Variants in DPYD observed in about 807,000 individuals in gnomAD.
DPYD encodes dihydropyrimidine dehydrogenase [NADP(+)].
Under a neutral mutation model 116.2 loss-of-function variants are expected in DPYD, and 109 were observed. The observed-to-expected ratio is 0.94, with a 90% CI of 0.80 to 1.10. The LOEUF (loss-of-function observed/expected upper bound fraction) is 1.10, where lower values mean the gene tolerates loss of function less well. Ranked by LOEUF, DPYD falls within the 50% of genes least tolerant of loss-of-function variation. The pLI is 0.00. For missense variants in DPYD, 1,302 were observed against 1,254.5 expected (o/e 1.04, Z -0.57); for synonymous variants, 440 against 432.0 (o/e 1.02, Z -0.23).
intron 14 of DPYD, among the ~76,000 whole-genome samples, chr1:97,419,666 A>G (rs1032263597): frequency 6.6e-6 from 1 of 152,116 alleles, no homozygotes; most frequent in African/African-American, 2.4e-5. Context: ...ATAAAAATAT[A>G]TTTTTTATAC....
chr1:97,354,687 T>C (rs1038700416), intron 16 of DPYD, among the ~76,000 whole-genome samples: 3 of 152,136 alleles, frequency 2.0e-5, no homozygotes, highest in Non-Finnish European at 4.4e-5. Context: ...TTTAAAAAAA[T>C]CAGAACTACT....
chr1:97,782,170 A>G (rs956811572), intron 3 of DPYD, among the ~76,000 whole-genome samples: 1 of 152,200 alleles, frequency 6.6e-6, no homozygotes, highest in Non-Finnish European at 1.5e-5. Flanking sequence ...ATCCTCTCAC[A>G]CTAATAGATA....
At chr1:97,152,807 T>C (rs1230024153) in intron 20 of DPYD, among the ~76,000 whole-genome samples, 1 of 152,008 alleles carries the variant, frequency 6.6e-6, no homozygotes, top group Non-Finnish European at 1.5e-5. Flanking sequence ...TTCAAGTTTA[T>C]GTTTAGATGG....
At chr1:97,104,930 G>A (rs1337570195) in intron 20 of DPYD, among the ~76,000 whole-genome samples, 1 of 152,116 alleles carries the variant, frequency 6.6e-6, no homozygotes, top group Admixed American at 6.6e-5. Flanking sequence ...AATAAGACTT[G>A]CTTTCTGCTA....
At chr1:97,885,454 T>C (rs1298626778) in intron 1 of DPYD, among the ~76,000 whole-genome samples, 1 of 152,202 alleles carries the variant, frequency 6.6e-6, no homozygotes, top group East Asian at 1.9e-4. Context: ...CATGCTAATA[T>C]GAAGAATTTA....
At chr1:97,268,755 A>G (rs979603920) in intron 18 of DPYD, among the ~76,000 whole-genome samples, 4 of 152,158 alleles carry the variant, frequency 2.6e-5, no homozygotes, top group African/African-American at 9.7e-5. Flanking sequence ...CCTGCCTTCA[A>G]TGTCCTACCT....
intron 7 of DPYD, 108 bp downstream of exon 7, chr1:97,691,609 C>CT: frequency 1.0e-6 from 1 of 975,800 alleles, no homozygotes; most frequent in Non-Finnish European, 1.6e-6. Context: ...CCTGATGTAG[C>CT]TTTTAATTGT....
chr1:97,220,607 A>G (rs547806527), intron 19 of DPYD, among the ~76,000 whole-genome samples: 171 of 152,292 alleles, frequency 1.1e-3, no homozygotes, highest in African/African-American at 3.8e-3. Flanking sequence ...TAAAGATGCC[A>G]TTTTATGATA....
At chr1:97,384,869 T>C (rs938972898) in intron 14 of DPYD, among the ~76,000 whole-genome samples, 1 of 151,970 alleles carries the variant, frequency 6.6e-6, no homozygotes, top group Non-Finnish European at 1.5e-5. Flanking sequence ...ATAGATTCCT[T>C]AGAGAGAGGA....
intron 4 of DPYD, among the ~76,000 whole-genome samples, chr1:97,722,830 C>G (rs954469336): frequency 1.3e-5 from 2 of 151,390 alleles, no homozygotes; most frequent in African/African-American, 2.4e-5. Flanking sequence ...ATTTTATTTA[C>G]TGTTATCATC....
chr1:97,662,665 C>T (rs190466760), intron 8 of DPYD, among the ~76,000 whole-genome samples: 46 of 152,102 alleles, frequency 3.0e-4, no homozygotes, highest in African/African-American at 9.6e-4. Context: ...AGAGTGCTAA[C>T]AAAAGTTAGT....
At position 97,846,006 on chromosome 1, in the gene DPYD, C is replaced by T. The variant is rs1245395668; in HGVS notation, c.151-17810G>A. On this transcript the variant is annotated intron_variant, in intron 2 of 22. Transcript: ENST00000370192. ...AATGGGTGGACCCCACACTCACTCA[C>T]TCACACACCTCTTGCCACTCTGCAA... Among the ~76,000 whole-genome samples, 5 of 152,346 alleles carry T rather than the reference C, an allele frequency of 3.3e-5. No homozygotes were observed. The South Asian group carries it at 6.2e-4, about 19-fold the overall frequency.
chr1:97,435,961 T>C (rs1675448037), intron 14 of DPYD, among the ~76,000 whole-genome samples: 1 of 152,030 alleles, frequency 6.6e-6, no homozygotes, highest in African/African-American at 2.4e-5. Flanking sequence ...CATATTCTGC[T>C]AAATAAAAAC....
At chr1:97,872,667 ACT>A (rs1671718688) in intron 2 of DPYD, among the ~76,000 whole-genome samples, 1 of 151,942 alleles carries the variant, frequency 6.6e-6, no homozygotes. Flanking sequence ...ATATATCAAA[ACT>A]CTAAATTACA....
chr1:97,578,688 A>C (rs192952867), intron 10 of DPYD, among the ~76,000 whole-genome samples: 6 of 152,316 alleles, frequency 3.9e-5, no homozygotes, highest in Non-Finnish European at 5.9e-5. Context: ...AACAAAGCAA[A>C]GTGGAAAAGG....
chr1:97,528,522 C>A (rs1649323659), intron 12 of DPYD, among the ~76,000 whole-genome samples: 1 of 152,108 alleles, frequency 6.6e-6, no homozygotes, highest in African/African-American at 2.4e-5. Context: ...CTTTCTCCAT[C>A]TAAACTCTAC....
chr1:97,741,341 CG>C (rs1664261492), intron 3 of DPYD, among the ~76,000 whole-genome samples: 1 of 152,100 alleles, frequency 6.6e-6, no homozygotes, highest in Non-Finnish European at 1.5e-5. Flanking sequence ...CTCTCCTCTC[CG>C]GGGGACTGGC....
intron 20 of DPYD, among the ~76,000 whole-genome samples, chr1:97,155,792 T>C (rs1038653124): frequency 1.3e-5 from 2 of 152,318 alleles, no homozygotes; most frequent in South Asian, 2.1e-4. Context: ...ATTTCCTTAG[T>C]GTTCTTTTGA....
intron 18 of DPYD, among the ~76,000 whole-genome samples, chr1:97,239,915 T>C (rs1226716961): frequency 6.6e-6 from 1 of 152,052 alleles, no homozygotes; most frequent in Non-Finnish European, 1.5e-5. Flanking sequence ...TAATAAAAAT[T>C]GTAGAAGTGT....
Sources: allele counts gnomAD v4.1 joint callset (sites outside exome capture counted in the v4.1 genomes callset), GRCh38; gene constraint gnomAD v4.1.1; transcripts MANE v1.5; gene names NCBI Gene and HGNC (gene_info 2026-07-23, HGNC 2026-07-21).